Variants in TTC9C observed in about 807,000 individuals in gnomAD.
The protein encoded by TTC9C is tetratricopeptide repeat protein 9C.
In TTC9C, 15 loss-of-function variants were observed where a neutral mutation model predicts 22.5. That is an observed-to-expected ratio of 0.67 (90% CI 0.45 to 1.03). TTC9C has a LOEUF of 1.03. Among genes scored for constraint, TTC9C ranks in the 50% least tolerant of loss-of-function variants. The pLI, the probability that TTC9C is intolerant of heterozygous loss-of-function variation, is 0.00. For synonymous variants in TTC9C, 92 were observed against 86.8 expected, an observed-to-expected ratio of 1.06 and a Z score of -0.33; for missense variants, 244 against 214.6, an observed-to-expected ratio of 1.14 and a Z score of -0.86.
intron 1 of TTC9C, among the ~76,000 whole-genome samples, chr11:62,735,111 C>G (rs973487642): frequency 6.6e-6 from 1 of 152,160 alleles, no homozygotes; most frequent in African/African-American, 2.4e-5. Flanking sequence ...TCAGGCTGAT[C>G]TCGAACTCCC....
At chr11:62,733,862 A>T (rs1394163227) in intron 1 of TTC9C, among the ~76,000 whole-genome samples, 1 of 151,986 alleles carries the variant, frequency 6.6e-6, no homozygotes, top group Non-Finnish European at 1.5e-5. Context: ...CATGGTGGTG[A>T]GCGCCTATAA....
At chr11:62,728,090 G>A (rs1036708488), upstream of TTC9C, 1 of 152,436 alleles carries the variant, frequency 6.6e-6, no homozygotes, top group African/African-American at 2.4e-5. Flanking sequence ...CGTTTCTGCG[G>A]GATTATTTTT....
chr11:62,734,604 A>G (rs955029219), intron 1 of TTC9C, among the ~76,000 whole-genome samples: 2 of 152,002 alleles, frequency 1.3e-5, no homozygotes, highest in Admixed American at 1.3e-4. Flanking sequence ...AAAAGAATAC[A>G]TTTGTTATTC....
In TTC9C at chr11:62,728,655, A is replaced by G; in HGVS notation, c.-194A>G. On this transcript the variant is annotated 5_prime_UTR_variant, in exon 1 of 3. Transcript: ENST00000316461. The stretch of plus-strand genomic sequence containing the variant: ...TACTTGCCTGCACTTCTTGAGAAAA[A>G]GACTGCAGAAAGGAGAGGTGGGGCT... The G allele has an allele frequency of 1.4e-6, 1 of 695,118 alleles. No homozygotes were observed. The highest frequency in any genetic ancestry group is 2.7e-5 in the East Asian group (1 of 36,396). The allele number at this position is 695,118 out of a possible 1,614,324, so 43.1% of individuals were successfully genotyped here.
At chr11:62,736,866 A>G (rs1287775176) in intron 2 of TTC9C, among the ~76,000 whole-genome samples, 1 of 150,970 alleles carries the variant, frequency 6.6e-6, no homozygotes, top group African/African-American at 2.4e-5. Flanking sequence ...AAAAAAAAAA[A>G]GCGAGTGTCG....
chr11:62,728,248 C>T, upstream of TTC9C: 1 of 336,802 alleles, frequency 3.0e-6, no homozygotes, highest in Admixed American at 4.3e-5. Flanking sequence ...CTGCAGAGGG[C>T]GAGGAACTGG....
At chr11:62,732,972 CTTT>C (rs143308039) in intron 1 of TTC9C, 940 of 200,382 alleles carry the variant, frequency 4.7e-3, no homozygotes, top group South Asian at 0.012. Flanking sequence ...TATTCCTCCA[CTTT>C]TTTTTTTTTT....
intron 2 of TTC9C, among the ~76,000 whole-genome samples, chr11:62,736,579 A>T (rs1194019963): frequency 6.6e-6 from 1 of 151,794 alleles, no homozygotes; most frequent in East Asian, 1.9e-4. Context: ...CTGTAGTCCC[A>T]GGTACTCAGG....
intron 1 of TTC9C, among the ~76,000 whole-genome samples, chr11:62,729,960 G>T (rs921062538): frequency 7.9e-5 from 12 of 152,188 alleles, no homozygotes; most frequent in African/African-American, 2.9e-4. Context: ...TATACTTAAG[G>T]TCAGGCCATT....
In TTC9C at chr11:62,732,471, G is replaced by A. The variant is rs148092964; in HGVS notation, c.239-2911G>A. 8.5e-5 allele frequency among the ~76,000 whole-genome samples: 13 copies of A among 152,168 alleles called. No homozygotes were observed. The East Asian group carries it at 9.7e-4, about 11-fold the overall frequency. ...AAAAATACAAAAAAATTAGCCAGGC[G>A]TGGTGGTGCATGCCTGTAATCGCAT... On this transcript the variant is annotated intron_variant, in intron 1 of 2. Coordinates refer to ENST00000316461, the MANE Select transcript of TTC9C (RefSeq NM_173810.4).
At position 62,734,202 on chromosome 11, in the gene TTC9C, G is replaced by T. The variant is rs192327130; in HGVS notation, c.239-1180G>T. Among the ~76,000 whole-genome samples, 4 of 151,946 alleles carry T rather than the reference G, an allele frequency of 2.6e-5. No individual in the cohort carries two copies. The East Asian group carries it at 7.7e-4, about 29-fold the overall frequency. ...AATCCCAGCTACTCGGGAAGCTGAGGCAGGAGAATCACTTGAACCCAGGAG... is the reference window on the plus strand; with the variant it reads ...AATCCCAGCTACTCGGGAAGCTGAGTCAGGAGAATCACTTGAACCCAGGAG... On this transcript the variant is annotated intron_variant, in intron 1 of 2. Coordinates refer to ENST00000316461, the MANE Select transcript of TTC9C (RefSeq NM_173810.4).
rs2134827759 is a variant in TTC9C at position 62,738,631 on chromosome 11, A to G, written c.*249A>G. 2.8e-6 allele frequency: 1 copy of G among 360,150 alleles called. No homozygotes were observed. Among genetic ancestry groups the G allele is most frequent in the East Asian group, 5.0e-5 (1 of 19,806 alleles). The allele number at this position is 360,150 out of a possible 1,614,324, so 22.3% of individuals were successfully genotyped here. ...TTTGGCTTGAGAAATATAATCAGAA[A>G]ACATACATCAGTTGTGGGTGGAATT... On this transcript the variant is annotated 3_prime_UTR_variant, in exon 3 of 3. Transcript: ENST00000316461.
chr11:62,729,570 T>G (rs1276068497), intron 1 of TTC9C, among the ~76,000 whole-genome samples: 1 of 107,348 alleles, frequency 9.3e-6, no homozygotes, highest in African/African-American at 5.3e-5. Flanking sequence ...GCCCAGCTAA[T>G]TTTTTTTTTT....
upstream of TTC9C, chr11:62,728,342 A>G (rs2083788250): frequency 5.5e-6 from 2 of 360,864 alleles, no homozygotes; most frequent in South Asian, 4.1e-5. Flanking sequence ...TTCCCAGTTT[A>G]TTTATTGACG....
intron 1 of TTC9C, among the ~76,000 whole-genome samples, chr11:62,731,292 T>G (rs1465718393): frequency 6.6e-6 from 1 of 152,194 alleles, no homozygotes; most frequent in East Asian, 1.9e-4. Context: ...GAATGACACT[T>G]ATCCAGATTT....
At chr11:62,731,245 T>C (rs1013582566) in intron 1 of TTC9C, among the ~76,000 whole-genome samples, 1 of 151,082 alleles carries the variant, frequency 6.6e-6, no homozygotes, top group Admixed American at 6.6e-5. Context: ...TTCACACTTT[T>C]GTAGGCTGTC....
rs1175741379 is a variant in TTC9C, at chr11:62,738,562, CTGTT to C, written c.*182_*185del. 4 of 514,480 alleles carry C rather than the reference CTGTT, an allele frequency of 7.8e-6. No homozygotes were observed. Among genetic ancestry groups the C allele is most frequent in the Middle Eastern group, 8.4e-4 (2 of 2,380 alleles). 31.9% of individuals were successfully genotyped at this position (514,480 alleles called of 1,614,324 possible). A position where few individuals can be genotyped will look rare whatever the true frequency, so the allele number is the denominator to read the frequency against. On this transcript the variant is annotated 3_prime_UTR_variant, in exon 3 of 3. Coordinates refer to ENST00000316461, the MANE Select transcript of TTC9C (RefSeq NM_173810.4). ...TCTGAGTCTTTTTCTGTCTATCCAT[CTGTT>C]TATTTCTATACCTTTCAATACATGT...
Position 62,729,230 on chromosome 11 carries a change from T to C in TTC9C, c.238+144T>C, listed in dbSNP as rs533544958. ...CATGAATTGGAATAACCTGTCAATCTGTGCGGCTGTAATTAAGTTGCCATA... is the reference window on the plus strand; with the variant it reads ...CATGAATTGGAATAACCTGTCAATCCGTGCGGCTGTAATTAAGTTGCCATA... On this transcript the variant is annotated intron_variant, in intron 1 of 2. Transcript: ENST00000316461. 2 of 740,976 alleles carry C rather than the reference T, an allele frequency of 2.7e-6. 1 individual carries two copies. Among genetic ancestry groups the C allele is most frequent in the South Asian group, 3.7e-5 (2 of 53,736 alleles). The allele number at this position is 740,976 out of a possible 1,614,324, so 45.9% of individuals were successfully genotyped here.
intron 1 of TTC9C, among the ~76,000 whole-genome samples, chr11:62,732,939 A>G (rs553989289): frequency 6.6e-6 from 1 of 151,654 alleles, no homozygotes; most frequent in Non-Finnish European, 1.5e-5. Flanking sequence ...ACAAACAAAA[A>G]ATTCATTTAC....
Sources: gnomAD v4.1 joint callset for allele counts (sites outside exome capture counted in the v4.1 genomes callset) on GRCh38, gnomAD v4.1.1 for gene constraint, MANE v1.5 for transcripts, NCBI Gene and HGNC (gene_info 2026-07-23, HGNC 2026-07-21) for gene names.